PEX5L: variants seen among roughly 807,000 people sequenced by gnomAD.
The protein encoded by PEX5L is peroxisomal biogenesis factor 5 like.
A neutral mutation model predicts 84.0 loss-of-function variants in PEX5L; 30 were observed. That is an observed-to-expected ratio of 0.36 (90% CI 0.27 to 0.48). The LOEUF (loss-of-function observed/expected upper bound fraction) is 0.48. Among genes scored for constraint, PEX5L ranks in the 20% least tolerant of loss-of-function variants. The pLI is 0.99. For missense variants in PEX5L, 533 were observed against 754.6 expected (o/e 0.71, Z 3.44); for synonymous variants, 270 against 283.1 (o/e 0.95, Z 0.46).
chr3:179,828,169 G>C (rs1412549049), intron 8 of PEX5L, among the ~76,000 whole-genome samples: 1 of 151,946 alleles, frequency 6.6e-6, no homozygotes, highest in African/African-American at 2.4e-5. Flanking sequence ...CCCTTCTTTG[G>C]CTGGATCCCT....
intron 1 of PEX5L, chr3:179,973,473 C>G: frequency 2.1e-6 from 2 of 969,822 alleles, no homozygotes; most frequent in Non-Finnish European, 2.5e-6. Flanking sequence ...CCATGCACTT[C>G]TATGCTCTTT....
At chr3:179,961,140 G>T (rs78335219) in intron 2 of PEX5L, among the ~76,000 whole-genome samples, 3 of 151,430 alleles carry the variant, frequency 2.0e-5, no homozygotes, top group Non-Finnish European at 2.9e-5. Context: ...GAGATCATTT[G>T]GCCAAAAAAT....
At chr3:179,884,169 C>G (rs1755038723) in intron 4 of PEX5L, among the ~76,000 whole-genome samples, 1 of 152,248 alleles carries the variant, frequency 6.6e-6, no homozygotes, top group East Asian at 1.9e-4. Context: ...GAAAAACGCC[C>G]CCCTCTAATA....
chr3:179,815,763 T>C (rs2108872797), intron 10 of PEX5L, 98 bp downstream of exon 10: 1 of 1,344,524 alleles, frequency 7.4e-7, no homozygotes, highest in African/African-American at 1.4e-5. Flanking sequence ...CTGGGAACCT[T>C]TACTTGATGA....
intron 1 of PEX5L, among the ~76,000 whole-genome samples, chr3:180,023,588 C>A (rs1561077217): frequency 1.3e-5 from 2 of 152,058 alleles, no homozygotes; most frequent in Non-Finnish European, 2.9e-5. Context: ...TATTGTATCA[C>A]TAATTAGAGG....
chr3:179,986,896 AAG>A (rs1786905791), intron 1 of PEX5L, among the ~76,000 whole-genome samples: 1 of 152,250 alleles, frequency 6.6e-6, no homozygotes, highest in African/African-American at 2.4e-5. Context: ...ATTAAATAAA[AAG>A]AAAAATATCA....
intron 2 of PEX5L, among the ~76,000 whole-genome samples, chr3:179,969,262 T>C (rs1468871880): frequency 6.6e-6 from 1 of 152,110 alleles, no homozygotes; most frequent in African/African-American, 2.4e-5. Flanking sequence ...AACTATAACA[T>C]ATTTCTACCA....
chr3:180,005,956 A>T (rs1788849972), intron 1 of PEX5L, among the ~76,000 whole-genome samples: 1 of 152,234 alleles, frequency 6.6e-6, no homozygotes, highest in South Asian at 2.1e-4. Flanking sequence ...TCATTATTAG[A>T]CATGAAATAT....
At chr3:179,918,065 G>A (rs959119379) in intron 2 of PEX5L, among the ~76,000 whole-genome samples, 6 of 152,180 alleles carry the variant, frequency 3.9e-5, no homozygotes, top group African/African-American at 1.4e-4. Flanking sequence ...ACACAGAGAG[G>A]TTACCTGGGA....
At chr3:179,923,038 C>T (rs1770123921) in intron 2 of PEX5L, among the ~76,000 whole-genome samples, 2 of 151,744 alleles carry the variant, frequency 1.3e-5, no homozygotes, top group South Asian at 4.2e-4. Flanking sequence ...GCCTGTAATC[C>T]CAGCACTTTG....
At chr3:179,948,817 T>G (rs1055043845) in intron 2 of PEX5L, among the ~76,000 whole-genome samples, 11 of 152,354 alleles carry the variant, frequency 7.2e-5, no homozygotes, top group African/African-American at 2.4e-4. Flanking sequence ...TCTAAAGCTA[T>G]TAATGTTCAT....
chr3:179,925,992 TC>T (rs773442339), intron 2 of PEX5L, among the ~76,000 whole-genome samples: 35 of 151,986 alleles, frequency 2.3e-4, no homozygotes, highest in Non-Finnish European at 4.4e-4. Context: ...AAAACCAATC[TC>T]CCCCCTCCAA....
Position 179,800,259 on chromosome 3 carries a change from T to TTG in PEX5L, c.*1568_*1569insCA, listed in dbSNP as rs1718467747. The TTG allele has an allele frequency of 6.6e-6, 1 of 152,200 alleles. No homozygotes were observed. Among genetic ancestry groups the TTG allele is most frequent in the Non-Finnish European group, 1.5e-5 (1 of 68,038 alleles). 9.4% of individuals were successfully genotyped at this position (152,200 alleles called of 1,614,324 possible). A position where few individuals can be genotyped will look rare whatever the true frequency, so the allele number is the denominator to read the frequency against. On this transcript the variant is annotated 3_prime_UTR_variant, in exon 15 of 15. Transcript: ENST00000467460. ...TTGATCCCAATTCTGTGGAGTCTTT[T>TTG]TTGTTGTTGTTGTTTTATTTTTTGT...
chr3:180,021,916 C>A lies in PEX5L; in HGVS notation c.21+14663G>T, dbSNP rs547169967. Among the ~76,000 whole-genome samples the A allele has an allele frequency of 2.0e-5, 3 of 152,234 alleles. No individual in the cohort carries two copies. The South Asian group carries it at 6.2e-4, about 32-fold the overall frequency. On this transcript the variant is annotated intron_variant, in intron 1 of 14. Transcript: ENST00000467460. ...GCAGTATAAGCCACAGGTAAAATAA[C>A]AATTTTGGACAAATGAGACCCAAAA...
At chr3:180,016,706 C>A (rs1473199241) in intron 1 of PEX5L, among the ~76,000 whole-genome samples, 1 of 152,168 alleles carries the variant, frequency 6.6e-6, no homozygotes, top group Non-Finnish European at 1.5e-5. Flanking sequence ...GACAGGGTTG[C>A]AGATGGATTT....
intron 1 of PEX5L, among the ~76,000 whole-genome samples, chr3:180,002,700 A>G (rs1033622917): frequency 5.8e-4 from 88 of 152,070 alleles, no homozygotes; most frequent in Non-Finnish European, 1.5e-4. Flanking sequence ...TAATTTTTCC[A>G]TCAAGAAATA....
intron 8 of PEX5L, among the ~76,000 whole-genome samples, chr3:179,822,593 C>T (rs997565707): frequency 3.3e-5 from 5 of 152,304 alleles, no homozygotes; most frequent in Admixed American, 6.5e-5. Flanking sequence ...CTACAATTAA[C>T]GCTGCTTCCT....
intron 1 of PEX5L, among the ~76,000 whole-genome samples, chr3:179,991,045 C>T (rs60174932): frequency 0.047 from 7,129 of 152,240 alleles, 198 homozygotes; most frequent in East Asian, 0.096. Flanking sequence ...ATGCCTAACA[C>T]TTAGGAACCA....
chr3:179,831,135 G>C (rs1732712351), intron 8 of PEX5L, among the ~76,000 whole-genome samples: 1 of 152,048 alleles, frequency 6.6e-6, no homozygotes. Context: ...GGCCAAGATA[G>C]TGAAACCCAT....
Sources: allele counts gnomAD v4.1 joint callset (sites outside exome capture counted in the v4.1 genomes callset), GRCh38; gene constraint gnomAD v4.1.1; transcripts MANE v1.5; gene names NCBI Gene and HGNC (gene_info 2026-07-23, HGNC 2026-07-21).